Variants in PDZD2 observed in about 807,000 individuals in gnomAD.
The protein encoded by PDZD2 is PDZ domain-containing protein 2.
In PDZD2, 90 loss-of-function variants were observed where a neutral mutation model predicts 220.7. That is an observed-to-expected ratio of 0.41 (90% CI 0.34 to 0.49). PDZD2 has a LOEUF of 0.49. PDZD2 is among the 20% of genes least tolerant of loss of function. The pLI is 0.28. For synonymous variants in PDZD2, 1,375 were observed against 1,450.5 expected, an observed-to-expected ratio of 0.95 and a Z score of 1.18; for missense variants, 3,174 against 3,608.5, an observed-to-expected ratio of 0.88 and a Z score of 3.08.
At chr5:31,773,201 C>G (rs1752433101) in intron 1 of PDZD2, among the ~76,000 whole-genome samples, 1 of 152,172 alleles carries the variant, frequency 6.6e-6, no homozygotes, top group Admixed American at 6.5e-5. Flanking sequence ...TAAACTGGTT[C>G]CAAAACCAAG....
At chr5:31,689,353 A>ATATATTTTTTTTTTTTT in intron 1 of PDZD2, among the ~76,000 whole-genome samples, 2 of 35,142 alleles carry the variant, frequency 5.7e-5, no homozygotes, top group Non-Finnish European at 8.4e-5. Flanking sequence ...ATATATATAT[A>ATATATTTTTTTTTTTTT]TTTTTTTTTT....
chr5:32,029,701 ACTAT>A (rs1754975748), intron 6 of PDZD2, among the ~76,000 whole-genome samples: 3 of 152,174 alleles, frequency 2.0e-5, no homozygotes, highest in Admixed American at 1.3e-4. Context: ...CTCCTGAGAC[ACTAT>A]CTAACTTTCA....
chr5:31,799,063 C>G lies in PDZD2; in HGVS notation c.-186C>G. The G allele has an allele frequency of 1.7e-6, 1 of 580,966 alleles. No individual in the cohort carries two copies. The highest frequency in any genetic ancestry group is 2.3e-5 in the South Asian group (1 of 43,862). 36.0% of individuals were successfully genotyped at this position (580,966 alleles called of 1,614,324 possible). ...GTTCCACAGTTGTTCTAATTGGGTCCTAGCTTCCTCCTGCCAAGGCAAACA... is the reference window on the plus strand; with the variant it reads ...GTTCCACAGTTGTTCTAATTGGGTCGTAGCTTCCTCCTGCCAAGGCAAACA... On this transcript the variant is annotated 5_prime_UTR_variant, in exon 2 of 25. Transcript: ENST00000438447.
At chr5:31,672,722 A>T (rs1014527350) in intron 1 of PDZD2, among the ~76,000 whole-genome samples, 1 of 152,216 alleles carries the variant, frequency 6.6e-6, no homozygotes, top group Non-Finnish European at 1.5e-5. Context: ...TGACAGGCAC[A>T]GGTCTGCCAA....
rs761253819 is a variant in PDZD2, at chr5:32,091,038, G to A, written c.7590G>A (p.Ser2530=). ...RSPGPPAGGV[S]CPEKGGNRAC... is the part of the protein sequence containing the mutation. ...CTGGCCCTCCTGCTGGAGGCGTTTC[G>A]TGTCCCGAGAAGGGCGGGAACAGGG... Residue 2530 remains serine (S), a synonymous_variant, in exon 20 of 25, where the codon TCG becomes TCA. Coordinates refer to ENST00000438447, the MANE Select transcript of PDZD2 (RefSeq NM_178140.4). 1.5e-5 allele frequency: 24 copies of A among 1,613,832 alleles called. No individual in the cohort carries two copies. The highest frequency in any genetic ancestry group is 5.3e-5 in the African/African-American group (4 of 75,014).
At chr5:31,792,743 T>C (rs974226878) in intron 1 of PDZD2, among the ~76,000 whole-genome samples, 16 of 151,744 alleles carry the variant, frequency 1.1e-4, no homozygotes, top group African/African-American at 3.9e-4. Context: ...TATCTGGGCC[T>C]ATAAAAGGGG....
intron 2 of PDZD2, among the ~76,000 whole-genome samples, chr5:31,950,431 C>T (rs1245778602): frequency 2.6e-5 from 4 of 152,164 alleles, no homozygotes; most frequent in African/African-American, 9.7e-5. Flanking sequence ...AAATAACTGA[C>T]GTGCTCTTGT....
chr5:32,006,614 C>A (rs1206986263), intron 5 of PDZD2, among the ~76,000 whole-genome samples: 1 of 151,222 alleles, frequency 6.6e-6, no homozygotes, highest in African/African-American at 2.4e-5. Flanking sequence ...TGCCCTCAAG[C>A]GATCTGCCTA....
At chr5:32,002,930 TCACACACCACGAA>T (rs1752360330) in intron 5 of PDZD2, among the ~76,000 whole-genome samples, 1 of 28,040 alleles carries the variant, frequency 3.6e-5, no homozygotes, top group Non-Finnish European at 6.6e-5. Context: ...CACACACACC[TCACACACCACGAA>T]CACACACACA....
intron 2 of PDZD2, among the ~76,000 whole-genome samples, chr5:31,866,584 A>G (rs189692160): frequency 2.3e-4 from 35 of 152,206 alleles, no homozygotes; most frequent in Non-Finnish European, 4.1e-4. Context: ...AAGTGTGCAA[A>G]TTATTTTTTA....
At chr5:31,896,048 C>T (rs1313769439) in intron 2 of PDZD2, among the ~76,000 whole-genome samples, 2 of 152,074 alleles carry the variant, frequency 1.3e-5, no homozygotes, top group African/African-American at 2.4e-5. Flanking sequence ...GAATTGTGCC[C>T]AAGGACACAG....
At chr5:31,939,347 A>C (rs1746027484) in intron 2 of PDZD2, among the ~76,000 whole-genome samples, 1 of 152,232 alleles carries the variant, frequency 6.6e-6, no homozygotes, top group South Asian at 2.1e-4. Flanking sequence ...CTGAAACTCA[A>C]CTGGAAACCA....
At chr5:31,855,359 C>T (rs1455879960) in intron 2 of PDZD2, among the ~76,000 whole-genome samples, 1 of 152,188 alleles carries the variant, frequency 6.6e-6, no homozygotes, top group Non-Finnish European at 1.5e-5. Context: ...GGGGGATTTG[C>T]GTGTTGAGAG....
At chr5:31,825,995 G>A (rs1054027041) in intron 2 of PDZD2, among the ~76,000 whole-genome samples, 6 of 151,728 alleles carry the variant, frequency 4.0e-5, no homozygotes, top group African/African-American at 1.5e-4. Context: ...CTCCTGATGC[G>A]AACCAGTTCA....
At chr5:31,951,315 G>A (rs1338160086) in intron 2 of PDZD2, among the ~76,000 whole-genome samples, 2 of 152,102 alleles carry the variant, frequency 1.3e-5, no homozygotes, top group Non-Finnish European at 2.9e-5. Flanking sequence ...TGATCCTCCT[G>A]CCTCAGCCTC....
chr5:32,093,146 T>G (rs562496031), intron 21 of PDZD2, 122 bp downstream of exon 21: 63 of 629,252 alleles, frequency 1.0e-4, no homozygotes, highest in Admixed American at 7.9e-4. Context: ...AGGACTGCCT[T>G]GGGTTGCGAG....
At chr5:32,029,844 C>T (rs2112186567) in intron 6 of PDZD2, among the ~76,000 whole-genome samples, 1 of 152,300 alleles carries the variant, frequency 6.6e-6, no homozygotes, top group South Asian at 2.1e-4. Context: ...TAGGGCAGAC[C>T]AGAGAGACTC....
chr5:31,706,434 G>C (rs1395568821), intron 1 of PDZD2, among the ~76,000 whole-genome samples: 2 of 152,138 alleles, frequency 1.3e-5, no homozygotes, highest in Non-Finnish European at 2.9e-5. Context: ...CTGGTGTGCA[G>C]GGGAGGCGGA....
intron 2 of PDZD2, among the ~76,000 whole-genome samples, chr5:31,928,620 C>T (rs1411366492): frequency 3.3e-5 from 5 of 152,072 alleles, no homozygotes; most frequent in Non-Finnish European, 7.3e-5. Context: ...GGATTACAGG[C>T]ATGTGCCACC....
Sources: allele counts gnomAD v4.1 joint callset (sites outside exome capture counted in the v4.1 genomes callset), GRCh38; gene constraint gnomAD v4.1.1; transcripts MANE v1.5; gene names NCBI Gene and HGNC (gene_info 2026-07-23, HGNC 2026-07-21).